Variants in STAT4 observed in about 807,000 individuals in gnomAD.
The protein encoded by STAT4 is signal transducer and activator of transcription 4.
A neutral mutation model predicts 110.5 loss-of-function variants in STAT4; 42 were observed. That is an observed-to-expected ratio of 0.38 (90% CI 0.30 to 0.49). The LOEUF is 0.49. Among genes scored for constraint, STAT4 ranks in the 20% least tolerant of loss-of-function variants. The pLI, the probability that STAT4 is intolerant of heterozygous loss-of-function variation, is 0.95. For missense variants in STAT4, 632 were observed against 887.9 expected, an observed-to-expected ratio of 0.71 and a Z score of 3.66; for synonymous variants, 284 against 302.2, an observed-to-expected ratio of 0.94 and a Z score of 0.63.
In STAT4 at chr2:191,146,735, T is replaced by C. The variant is rs1699471158; in HGVS notation, c.151A>G (p.Thr51Ala). Reference sequence around the variant, plus strand: ...TTTTGAAGAAGAATCGTTGCCATGGTTTCATTGTTAGAAGCTGCCTCCCTA... The same window carrying C: ...TTTTGAAGAAGAATCGTTGCCATGGCTTCATTGTTAGAAGCTGCCTCCCTA... ...QDWEAASNNETMATILLQNLL... is the reference protein window; with the variant it reads ...QDWEAASNNEAMATILLQNLL... The change falls in exon 3 of 24, where the codon ACC becomes GCC. Residue 51 changes from threonine (T) to alanine (A), a missense_variant. This residue lies in a region of STAT4 where 488 missense variants were observed against 632.8 expected (regional missense o/e 0.77). Coordinates refer to ENST00000392320, the MANE Select transcript of STAT4 (RefSeq NM_003151.4). The surrounding 1 kb of genome is among the most constrained non-coding windows in gnomAD (Gnocchi z 4.5). 1 of 1,567,940 alleles carries C rather than the reference T, an allele frequency of 6.4e-7. No individual in the cohort carries two copies. The highest frequency in any genetic ancestry group is 1.2e-5 in the South Asian group (1 of 81,778).
intron 14 of STAT4, among the ~76,000 whole-genome samples, chr2:191,052,318 T>C (rs947032069): frequency 1.3e-5 from 2 of 152,138 alleles, no homozygotes; most frequent in Admixed American, 1.3e-4. Flanking sequence ...TAAATGTACC[T>C]AGGAGTCATA....
In STAT4 at chr2:191,082,310, G is replaced by A. The variant is rs1051115837; in HGVS notation, c.274-5985C>T. 1.8e-4 allele frequency among the ~76,000 whole-genome samples: 27 copies of A among 152,022 alleles called. No individual in the cohort carries two copies. Among genetic ancestry groups the A allele is most frequent in the African/African-American group, 2.2e-4 (9 of 41,368 alleles). On this transcript the variant is annotated intron_variant, in intron 3 of 23. Coordinates refer to ENST00000392320, the MANE Select transcript of STAT4 (RefSeq NM_003151.4). This position sits in a 1 kb window ranked among gnomAD's most constrained non-coding sequence, Gnocchi z 4.7. ...ATTTGTACCCTGCTGATTTGTTCCC[G>A]TCCCTTTCTGCATACATAATAACTA...
intron 3 of STAT4, among the ~76,000 whole-genome samples, chr2:191,141,516 T>C (rs935517586): frequency 4.8e-5 from 7 of 145,100 alleles, no homozygotes; most frequent in Admixed American, 2.8e-4. Flanking sequence ...TACATACACA[T>C]ATGTATATCA....
At chr2:191,102,148 C>A (rs890030115) in intron 3 of STAT4, among the ~76,000 whole-genome samples, 3 of 151,896 alleles carry the variant, frequency 2.0e-5, no homozygotes, top group Non-Finnish European at 2.9e-5. Flanking sequence ...CAGACATTGG[C>A]GATGACCTTT....
At chr2:191,148,321 T>C in intron 1 of STAT4, 117 bp from the exon 2 acceptor site, 1 of 1,318,612 alleles carries the variant, frequency 7.6e-7, no homozygotes, top group East Asian at 2.5e-5. Flanking sequence ...TATCCAAGGA[T>C]ACAAAAATTT....
At chr2:191,114,928 G>C (rs555747535) in intron 3 of STAT4, among the ~76,000 whole-genome samples, 1 of 152,230 alleles carries the variant, frequency 6.6e-6, no homozygotes, top group South Asian at 2.1e-4. Context: ...TGTCATTATT[G>C]CCATTGTTAT....
intron 3 of STAT4, among the ~76,000 whole-genome samples, chr2:191,114,934 G>C (rs906978878): frequency 6.6e-6 from 1 of 152,102 alleles, no homozygotes; most frequent in African/African-American, 2.4e-5. Context: ...TATTGCCATT[G>C]TTATTTTTTT....
At chr2:191,064,426 G>T (rs1203431434) in intron 8 of STAT4, among the ~76,000 whole-genome samples, 3 of 152,120 alleles carry the variant, frequency 2.0e-5, no homozygotes, top group Admixed American at 6.5e-5. Flanking sequence ...TTTAACAAAA[G>T]AAATCACTAT....
At position 191,030,720 on chromosome 2, in the gene STAT4, T is replaced by C; in HGVS notation, c.2220+252A>G. On this transcript the variant is annotated intron_variant, in intron 23 of 23. Coordinates refer to ENST00000392320, the MANE Select transcript of STAT4 (RefSeq NM_003151.4). The surrounding 1 kb of genome is among the most constrained non-coding windows in gnomAD (Gnocchi z 4.4). ...TGTGCTTGAGTAGGGTATAGGAATATTTTGCCCTCTGGTGGTTTCTGGTGG... is the reference window on the plus strand; with the variant it reads ...TGTGCTTGAGTAGGGTATAGGAATACTTTGCCCTCTGGTGGTTTCTGGTGG... 2.5e-6 allele frequency: 1 copy of C among 395,904 alleles called. No individual in the cohort carries two copies. Among genetic ancestry groups the C allele is most frequent in the Middle Eastern group, 8.0e-4 (1 of 1,256 alleles). 24.5% of individuals were successfully genotyped at this position (395,904 alleles called of 1,614,324 possible).
rs1181358463 is a variant in STAT4, at chr2:191,046,235, T to C, written c.1252-5087A>G. Among the ~76,000 whole-genome samples, 1 of 152,194 alleles carries C rather than the reference T, an allele frequency of 6.6e-6. No individual in the cohort carries two copies. Among genetic ancestry groups the C allele is most frequent in the Non-Finnish European group, 1.5e-5 (1 of 68,042 alleles). On this transcript the variant is annotated intron_variant, in intron 14 of 23. Transcript: ENST00000392320. The surrounding 1 kb of genome is among the most constrained non-coding windows in gnomAD (Gnocchi z 4.6). ...AAACATTTAACCATTATCAATCAAG[T>C]TAACAAACTGTTAACATATGTTCTA...
At position 191,135,325 on chromosome 2, in the gene STAT4, T is replaced by C. The variant is rs928014381; in HGVS notation, c.273+11288A>G. 4.6e-5 allele frequency among the ~76,000 whole-genome samples: 7 copies of C among 152,144 alleles called. No individual in the cohort carries two copies. The highest frequency in any genetic ancestry group is 2.6e-4 in the Admixed American group (4 of 15,268). On this transcript the variant is annotated intron_variant, in intron 3 of 23. Coordinates refer to ENST00000392320, the MANE Select transcript of STAT4 (RefSeq NM_003151.4). This position sits in a 1 kb window ranked among gnomAD's most constrained non-coding sequence, Gnocchi z 4.8. ...AGAAATGGATAAATTCCTGGACTCATGCAACCTAGCAAGATTGAATCAGGA... is the reference window on the plus strand; with the variant it reads ...AGAAATGGATAAATTCCTGGACTCACGCAACCTAGCAAGATTGAATCAGGA...
chr2:191,055,407 G>C (rs1277951628), intron 13 of STAT4, among the ~76,000 whole-genome samples: 2 of 144,212 alleles, frequency 1.4e-5, no homozygotes, highest in Non-Finnish European at 3.0e-5. Flanking sequence ...TTTTAGTAGA[G>C]ACGGGGTTTC....
rs1695835594 is a variant in STAT4, at chr2:191,029,815, T to G, written c.*25A>C. ...TTTAAACTTTTTCATTTGCTTCCTT[T>G]CTTGGTGCGTCAGAGTTTATCCTGT... is the stretch of plus-strand genomic sequence containing the variant. On this transcript the variant is annotated 3_prime_UTR_variant, in exon 24 of 24. Coordinates refer to ENST00000392320, the MANE Select transcript of STAT4 (RefSeq NM_003151.4). The surrounding 1 kb of genome is among the most constrained non-coding windows in gnomAD (Gnocchi z 4.5). 2 of 1,596,708 alleles carry G rather than the reference T, an allele frequency of 1.3e-6. No individual in the cohort carries two copies. Among genetic ancestry groups the G allele is most frequent in the Admixed American group, 3.5e-5 (2 of 56,776 alleles).
chr2:191,059,614 C>T lies in STAT4; in HGVS notation c.1035-845G>A, dbSNP rs138505260. On this transcript the variant is annotated intron_variant, in intron 10 of 23. Transcript: ENST00000392320. This position sits in a 1 kb window ranked among gnomAD's most constrained non-coding sequence, Gnocchi z 4.7. ...TAGCAAAGACTGCAGAAGGGAGAAA[C>T]GTGGACGTGGCTCTACATAAAAGGA... 1.4e-3 allele frequency among the ~76,000 whole-genome samples: 213 copies of T among 152,304 alleles called. No individual in the cohort carries two copies. The highest frequency in any genetic ancestry group is 5.0e-3 in the African/African-American group (208 of 41,560).
At chr2:191,081,875 C>A (rs1452850663) in intron 3 of STAT4, among the ~76,000 whole-genome samples, 1 of 152,066 alleles carries the variant, frequency 6.6e-6, no homozygotes, top group South Asian at 2.1e-4. Context: ...CTCCCTCATC[C>A]CTAGCATTAC....
chr2:191,120,129 G>C (rs1028756052), intron 3 of STAT4, among the ~76,000 whole-genome samples: 3 of 152,022 alleles, frequency 2.0e-5, no homozygotes, highest in Non-Finnish European at 4.4e-5. Context: ...ATGATCTAAG[G>C]CAAGCAAAGT....
intron 13 of STAT4, among the ~76,000 whole-genome samples, chr2:191,055,633 G>A (rs576399689): frequency 6.8e-4 from 104 of 152,258 alleles, no homozygotes; most frequent in Non-Finnish European, 9.7e-4. Flanking sequence ...GATTACAGGC[G>A]TGAGCCACCA....
intron 5 of STAT4, among the ~76,000 whole-genome samples, chr2:191,070,062 C>CT (rs939802148): frequency 6.6e-6 from 1 of 152,096 alleles, no homozygotes; most frequent in African/African-American, 2.4e-5. Context: ...TGCATATAAT[C>CT]TTTTTTTAAT....
Position 191,062,676 on chromosome 2 carries a change from C to A in STAT4, c.941+86G>T. The A allele has an allele frequency of 3.4e-6, 5 of 1,461,114 alleles. No homozygotes were observed. Among genetic ancestry groups the A allele is most frequent in the East Asian group, 4.7e-5 (2 of 42,710 alleles). 90.5% of individuals were successfully genotyped at this position (1,461,114 alleles called of 1,614,324 possible). The stretch of plus-strand genomic sequence containing the variant: ...AGGCTCGTTGTTGAATACTTCCCTG[C>A]CACTCTTCCACCTAAACACCAAAAC... On this transcript the variant is annotated intron_variant, in intron 9 of 23. Transcript: ENST00000392320. This position sits in a 1 kb window ranked among gnomAD's most constrained non-coding sequence, Gnocchi z 4.9.
Sources: gnomAD v4.1 joint callset for allele counts (sites outside exome capture counted in the v4.1 genomes callset) on GRCh38, gnomAD v4.1.1 for gene constraint, gnomAD v4.1.1 regional missense constraint, Gnocchi (gnomAD v3.1) non-coding constraint, MANE v1.5 for transcripts, NCBI Gene and HGNC (gene_info 2026-07-23, HGNC 2026-07-21) for gene names.